The following MALRD1 variants were observed in gnomAD, a reference collection of about 807,000 sequenced individuals.
MALRD1 encodes the protein MAM and LDL receptor class A domain containing 1.
Under a neutral mutation model 242.1 loss-of-function variants are expected in MALRD1, and 247 were observed. That is an observed-to-expected ratio of 1.02 (90% CI 0.92 to 1.13). MALRD1 has a LOEUF of 1.13. Ranked by LOEUF, MALRD1 falls within the 50% of genes most tolerant of loss-of-function variation. The pLI is 0.00. For missense variants in MALRD1, 2,989 were observed against 2,533.1 expected, an observed-to-expected ratio of 1.18 and a Z score of -3.86; for synonymous variants, 995 against 866.6, an observed-to-expected ratio of 1.15 and a Z score of -2.60.
At chr10:19,381,942 C>T (rs1165051682) in intron 26 of MALRD1, among the ~76,000 whole-genome samples, 2 of 152,012 alleles carry the variant, frequency 1.3e-5, no homozygotes, top group Non-Finnish European at 2.9e-5. Flanking sequence ...AAAATTTTAA[C>T]AGATTCTGTG....
chr10:19,268,466 C>T (rs779145017), intron 19 of MALRD1, among the ~76,000 whole-genome samples: 3 of 152,184 alleles, frequency 2.0e-5, no homozygotes, highest in Non-Finnish European at 2.9e-5. Context: ...GGATGATATT[C>T]CCCCAAAGCT....
intron 38 of MALRD1, among the ~76,000 whole-genome samples, chr10:19,715,766 C>A (rs778147328): frequency 6.6e-6 from 1 of 152,112 alleles, no homozygotes; most frequent in Non-Finnish European, 1.5e-5. Context: ...ACAATCATGG[C>A]GGAAGGCAAA....
At chr10:19,418,752 C>A (rs2130908166) in intron 28 of MALRD1, among the ~76,000 whole-genome samples, 1 of 152,292 alleles carries the variant, frequency 6.6e-6, no homozygotes, top group Non-Finnish European at 1.5e-5. Flanking sequence ...TATTTCAAAT[C>A]TTAAGGTCAA....
At chr10:19,101,300 A>C (rs1836242234) in intron 4 of MALRD1, among the ~76,000 whole-genome samples, 1 of 146,424 alleles carries the variant, frequency 6.8e-6, no homozygotes, top group South Asian at 2.1e-4. Flanking sequence ...TATAACATAT[A>C]TCTATATTAT....
chr10:19,215,475 C>T (rs899729539), intron 18 of MALRD1, among the ~76,000 whole-genome samples: 3 of 152,168 alleles, frequency 2.0e-5, no homozygotes, highest in East Asian at 1.9e-4. Context: ...CACATCATCT[C>T]GTTTCTTCTT....
chr10:19,505,082 A>G (rs920810626), intron 31 of MALRD1, among the ~76,000 whole-genome samples: 4 of 152,162 alleles, frequency 2.6e-5, no homozygotes, highest in Non-Finnish European at 5.9e-5. Context: ...GCAGAAAAAG[A>G]AGGAGAAAGA....
chr10:19,213,084 A>G (rs1222770365), intron 18 of MALRD1, among the ~76,000 whole-genome samples: 2 of 151,950 alleles, frequency 1.3e-5, no homozygotes, highest in East Asian at 3.9e-4. Flanking sequence ...TCTTTTTTTT[A>G]AATTTGATGA....
intron 9 of MALRD1, among the ~76,000 whole-genome samples, chr10:19,135,463 T>C (rs945125615): frequency 2.6e-5 from 4 of 152,186 alleles, no homozygotes; most frequent in African/African-American, 4.8e-5. Context: ...CTATCCCTCA[T>C]GTTTTGAAAA....
chr10:19,380,774 G>A (rs553240132), intron 26 of MALRD1, among the ~76,000 whole-genome samples: 3 of 151,994 alleles, frequency 2.0e-5, no homozygotes, highest in Admixed American at 6.6e-5. Context: ...TAAAAATTTG[G>A]CATTATTGTT....
intron 36 of MALRD1, among the ~76,000 whole-genome samples, chr10:19,658,507 A>G (rs556551140): frequency 6.6e-6 from 1 of 152,284 alleles, no homozygotes; most frequent in South Asian, 2.1e-4. Context: ...ACACACACAC[A>G]TACACACAAA....
chr10:19,621,778 C>T (rs1839413683), intron 36 of MALRD1, among the ~76,000 whole-genome samples: 3 of 151,536 alleles, frequency 2.0e-5, no homozygotes, highest in South Asian at 2.1e-4. Context: ...TAATGTATAT[C>T]GTGGTAAAAA....
chr10:19,200,931 G>A (rs1836510829), intron 14 of MALRD1, among the ~76,000 whole-genome samples: 1 of 151,910 alleles, frequency 6.6e-6, no homozygotes, highest in Non-Finnish European at 1.5e-5. Flanking sequence ...GAAATTTTGT[G>A]TCAATGGGCA....
At chr10:19,424,383 C>T (rs1166863534) in intron 28 of MALRD1, among the ~76,000 whole-genome samples, 1 of 152,178 alleles carries the variant, frequency 6.6e-6, no homozygotes, top group Non-Finnish European at 1.5e-5. Context: ...TGGTCTCGAT[C>T]TCCTGACTTC....
chr10:19,366,449 G>A (rs780225154), intron 26 of MALRD1, among the ~76,000 whole-genome samples: 3 of 152,056 alleles, frequency 2.0e-5, no homozygotes, highest in Non-Finnish European at 4.4e-5. Context: ...TCACTTGCCC[G>A]CTGCTCACCT....
intron 31 of MALRD1, among the ~76,000 whole-genome samples, chr10:19,507,987 C>T (rs939364697): frequency 6.6e-6 from 1 of 151,576 alleles, no homozygotes; most frequent in Admixed American, 6.6e-5. Flanking sequence ...GGATCTCTGC[C>T]ATCATGTGGC....
At chr10:19,101,288 T>C (rs1836241350) in intron 4 of MALRD1, among the ~76,000 whole-genome samples, 1 of 146,532 alleles carries the variant, frequency 6.8e-6, no homozygotes, top group Non-Finnish European at 1.5e-5. Context: ...ATGTAATAAA[T>C]ATATAACATA....
At chr10:19,127,442 G>T (rs1837317619) in intron 7 of MALRD1, among the ~76,000 whole-genome samples, 1 of 152,108 alleles carries the variant, frequency 6.6e-6, no homozygotes, top group African/African-American at 2.4e-5. Flanking sequence ...TTGCTCTCAT[G>T]TTCTTGTTTT....
rs191314873 is a variant in MALRD1, at chr10:19,450,370, A to G, written c.4909A>G (p.Lys1637Glu). 2 of 1,550,096 alleles carry G rather than the reference A, an allele frequency of 1.3e-6. No individual in the cohort carries two copies. Among genetic ancestry groups the G allele is most frequent in the East Asian group, 4.9e-5 (2 of 40,912 alleles). The stretch of plus-strand genomic sequence containing the variant: ...GCAGAACCCTGGTAATCATTGGCAA[A>G]AGGCTGACATCCTGCTAGGAAAGTT... ...SKQNPGNHWQKADILLGKLRN... is the reference protein window; with the variant it reads ...SKQNPGNHWQEADILLGKLRN... The change falls in exon 29 of 40, where the codon AAG (lysine) becomes GAG (glutamate). Residue 1637 changes from lysine to glutamate, a missense_variant. Coordinates refer to ENST00000454679, the MANE Select transcript of MALRD1 (RefSeq NM_001142308.3).
intron 14 of MALRD1, among the ~76,000 whole-genome samples, chr10:19,185,559 T>A (rs1448805927): frequency 6.6e-6 from 1 of 152,180 alleles, no homozygotes; most frequent in Non-Finnish European, 1.5e-5. Context: ...TATATTTTCC[T>A]CAAACTAGTA....
Sources: allele counts gnomAD v4.1 joint callset (sites outside exome capture counted in the v4.1 genomes callset), GRCh38; gene constraint gnomAD v4.1.1; transcripts MANE v1.5; gene names NCBI Gene and HGNC (gene_info 2026-07-23, HGNC 2026-07-21).